The following PPP1R12B variants were observed in gnomAD, a reference collection of about 807,000 sequenced individuals.
PPP1R12B encodes the protein protein phosphatase 1 regulatory subunit 12B, also known as myosin phosphatase target subunit 2.
Under a neutral mutation model 126.1 loss-of-function variants are expected in PPP1R12B, and 76 were observed. The observed-to-expected ratio is 0.60, with a 90% CI of 0.50 to 0.73. The LOEUF (loss-of-function observed/expected upper bound fraction) is 0.73. Among genes scored for constraint, PPP1R12B ranks in the 30% least tolerant of loss-of-function variants. PPP1R12B has a pLI of 0.00. For synonymous variants in PPP1R12B, 356 were observed against 434.7 expected (o/e 0.82, Z 2.25); for missense variants, 1,052 against 1,205.1 (o/e 0.87, Z 1.88).
rs1370234599 is a variant in PPP1R12B, at chr1:202,422,849, T to C, written c.541+111T>C. On this transcript the variant is annotated intron_variant, in intron 3 of 23. Coordinates refer to ENST00000608999, the MANE Select transcript of PPP1R12B (RefSeq NM_002481.4). ...TCACTATCACATGACAGGAGAGGAT[T>C]TGATCTGTCTGCACTGCATTAATCA... The C allele has an allele frequency of 2.7e-6, 4 of 1,486,860 alleles. No homozygotes were observed. The Admixed American group carries it at 6.1e-5, about 23-fold the overall frequency. 92.1% of individuals were successfully genotyped at this position (1,486,860 alleles called of 1,614,324 possible).
chr1:202,469,249 T>C (rs1271709247), intron 13 of PPP1R12B, among the ~76,000 whole-genome samples: 1 of 152,220 alleles, frequency 6.6e-6, no homozygotes, highest in African/African-American at 2.4e-5. Flanking sequence ...AATAGCACTT[T>C]TTTTTGTTAT....
chr1:202,362,388 C>A (rs1305177438), intron 1 of PPP1R12B, among the ~76,000 whole-genome samples: 1 of 152,192 alleles, frequency 6.6e-6, no homozygotes, highest in Non-Finnish European at 1.5e-5. Context: ...TTCCTTCCAT[C>A]TGTTAAGAAT....
chr1:202,528,641 C>G (rs572337076), intron 18 of PPP1R12B, among the ~76,000 whole-genome samples: 1 of 152,296 alleles, frequency 6.6e-6, no homozygotes, highest in African/African-American at 2.4e-5. Context: ...GGACCACTAA[C>G]ATGTACCCTG....
intron 13 of PPP1R12B, among the ~76,000 whole-genome samples, chr1:202,459,094 C>G (rs1341944859): frequency 6.6e-6 from 1 of 152,154 alleles, no homozygotes; most frequent in Non-Finnish European, 1.5e-5. Context: ...CAGCTTTACA[C>G]CCTTGTGCTA....
intron 1 of PPP1R12B, among the ~76,000 whole-genome samples, chr1:202,406,879 C>A (rs1010640211): frequency 2.6e-5 from 4 of 152,132 alleles, no homozygotes; most frequent in African/African-American, 9.7e-5. Flanking sequence ...AGCTATCTCA[C>A]CTTTGAGCTG....
chr1:202,400,000 CCTTT>C (rs1283100975), intron 1 of PPP1R12B, among the ~76,000 whole-genome samples: 1 of 151,834 alleles, frequency 6.6e-6, no homozygotes, highest in Admixed American at 6.6e-5. Flanking sequence ...AGCCCCTCTC[CCTTT>C]CTCTCTCCCT....
chr1:202,438,175 A>T, intron 10 of PPP1R12B, 151 bp downstream of exon 10: 1 of 1,559,430 alleles, frequency 6.4e-7, no homozygotes, highest in Admixed American at 1.9e-5. Flanking sequence ...CTGATAGTTT[A>T]TTCAAGTAGC....
intron 1 of PPP1R12B, among the ~76,000 whole-genome samples, chr1:202,382,982 C>T (rs761327178): frequency 1.3e-4 from 19 of 151,866 alleles, no homozygotes; most frequent in Non-Finnish European, 2.5e-4. Context: ...CTTGTTGATC[C>T]ATCAAATTTT....
intron 18 of PPP1R12B, among the ~76,000 whole-genome samples, chr1:202,552,619 C>A (rs573981380): frequency 2.5e-4 from 38 of 152,276 alleles, no homozygotes; most frequent in African/African-American, 8.4e-4. Context: ...TCTCTGTAGA[C>A]CATCCCAGAA....
rs776680250 is a variant in PPP1R12B, at chr1:202,355,854, C to T, written c.291+6712C>T. Reference sequence around the variant, plus strand: ...TTCAGTCAACGATTAGACTGAGGTACTCTGAAGACGTACAAATAGAAATCT... The same window carrying T: ...TTCAGTCAACGATTAGACTGAGGTATTCTGAAGACGTACAAATAGAAATCT... On this transcript the variant is annotated intron_variant, in intron 1 of 23. Coordinates refer to ENST00000608999, the MANE Select transcript of PPP1R12B (RefSeq NM_002481.4). 3.9e-5 allele frequency among the ~76,000 whole-genome samples: 6 copies of T among 152,134 alleles called. 1 individual carries two copies. The South Asian group carries it at 1.2e-3, about 31-fold the overall frequency.
intron 1 of PPP1R12B, among the ~76,000 whole-genome samples, chr1:202,393,913 A>G (rs951420746): frequency 4.6e-5 from 7 of 152,206 alleles, no homozygotes; most frequent in African/African-American, 1.7e-4. Context: ...AAATAAATAA[A>G]TAAAAAACAA....
intron 13 of PPP1R12B, among the ~76,000 whole-genome samples, chr1:202,469,189 G>A (rs1325440403): frequency 6.6e-6 from 1 of 152,214 alleles, no homozygotes; most frequent in Non-Finnish European, 1.5e-5. Flanking sequence ...ATGATAAAGT[G>A]TAGTCCCTAC....
chr1:202,364,906 C>G (rs1048508251), intron 1 of PPP1R12B, among the ~76,000 whole-genome samples: 1 of 151,918 alleles, frequency 6.6e-6, no homozygotes, highest in African/African-American at 2.4e-5. Context: ...GAGATGTGGT[C>G]TCACTGTGTT....
In PPP1R12B at chr1:202,586,920, C is replaced by T. The variant is rs1572590054; in HGVS notation, c.*6360C>T. On this transcript the variant is annotated 3_prime_UTR_variant, in exon 24 of 24. Coordinates refer to ENST00000608999, the MANE Select transcript of PPP1R12B (RefSeq NM_002481.4). ...TGCGTTCACATGCACATTTGCTAGC[C>T]CAGAGCTTTTAAAATGAGGTCTGGC... The T allele has an allele frequency of 6.6e-6, 1 of 152,166 alleles. No individual in the cohort carries two copies. Among genetic ancestry groups the T allele is most frequent in the South Asian group, 2.1e-4 (1 of 4,832 alleles). 9.4% of individuals were successfully genotyped at this position (152,166 alleles called of 1,614,324 possible).
Position 202,425,576 on chromosome 1 carries a change from A to G in PPP1R12B, c.552A>G (p.Leu184=). Residue 184 remains leucine, a synonymous_variant, in exon 4 of 24, where the codon CTA becomes CTG. Transcript: ENST00000608999. ...ATCTGGTTTCTGTAGGAGTTGATCTAGAGCAGTCAAGAAAAGAAGAAGAGC... is the reference window on the plus strand; with the variant it reads ...ATCTGGTTTCTGTAGGAGTTGATCTGGAGCAGTCAAGAAAAGAAGAAGAGC... ...LEQVKKQGVD[L]EQSRKEEEQQ... 1.2e-6 allele frequency: 2 copies of G among 1,613,924 alleles called. No individual in the cohort carries two copies. Among genetic ancestry groups the G allele is most frequent in the Non-Finnish European group, 1.7e-6 (2 of 1,179,824 alleles).
chr1:202,572,244 T>C (rs1312827729), intron 23 of PPP1R12B, among the ~76,000 whole-genome samples: 1 of 152,198 alleles, frequency 6.6e-6, no homozygotes, highest in African/African-American at 2.4e-5. Context: ...GTCATGCTTG[T>C]TGCATATTCA....
Position 202,574,938 on chromosome 1 carries a change from C to T in PPP1R12B, c.2863-5536C>T. On this transcript the variant is annotated intron_variant, in intron 23 of 23. Coordinates refer to ENST00000608999, the MANE Select transcript of PPP1R12B (RefSeq NM_002481.4). ...GATTTCTTTGTCCTACTTTTCTCTCCTCTGGTCTGTCTTGTCTCTCTCTGT... is the reference window on the plus strand; with the variant it reads ...GATTTCTTTGTCCTACTTTTCTCTCTTCTGGTCTGTCTTGTCTCTCTCTGT... 2.1e-6 allele frequency: 3 copies of T among 1,439,800 alleles called. No individual in the cohort carries two copies. The East Asian group carries it at 6.9e-5, about 33-fold the overall frequency. 89.2% of individuals were successfully genotyped at this position (1,439,800 alleles called of 1,614,324 possible).
At chr1:202,473,644 A>G (rs1477860580) in intron 13 of PPP1R12B, among the ~76,000 whole-genome samples, 5 of 152,250 alleles carry the variant, frequency 3.3e-5, no homozygotes, top group African/African-American at 1.2e-4. Context: ...CAGTGTATAA[A>G]ACATGCATCT....
chr1:202,480,741 C>T (rs1677241833), intron 13 of PPP1R12B, among the ~76,000 whole-genome samples: 1 of 152,124 alleles, frequency 6.6e-6, no homozygotes, highest in African/African-American at 2.4e-5. Context: ...TTGGGAAGAT[C>T]TGCTTAATGC....
Sources: allele counts gnomAD v4.1 joint callset (sites outside exome capture counted in the v4.1 genomes callset), GRCh38; gene constraint gnomAD v4.1.1; transcripts MANE v1.5; gene names NCBI Gene and HGNC (gene_info 2026-07-23, HGNC 2026-07-21).